ZNF473: variants seen among roughly 807,000 people sequenced by gnomAD.
The protein encoded by ZNF473 is zinc finger protein 473.
Under a neutral mutation model 11.1 loss-of-function variants are expected in ZNF473, and 4 were observed. The observed-to-expected ratio is 0.36, with a 90% CI of 0.18 to 0.82. ZNF473 has a LOEUF of 0.82. Among genes scored for constraint, ZNF473 ranks in the 40% least tolerant of loss-of-function variants. The pLI, the probability that ZNF473 is intolerant of heterozygous loss-of-function variation, is 0.49. For missense variants in ZNF473, 854 were observed against 1,084.0 expected (o/e 0.79, Z 2.98); for synonymous variants, 404 against 390.4 (o/e 1.03, Z -0.41).
intron 2 of ZNF473, 58 bp downstream of exon 2, chr19:50,031,149 T>G: frequency 9.1e-6 from 14 of 1,544,378 alleles, no homozygotes; most frequent in African/African-American, 1.4e-5. Context: ...AAAATTGGCC[T>G]TCCTTTGTGG....
At chr19:50,035,988 G>T (rs930058712) in intron 2 of ZNF473, among the ~76,000 whole-genome samples, 8 of 151,764 alleles carry the variant, frequency 5.3e-5, no homozygotes, top group Non-Finnish European at 1.0e-4. Context: ...TTGAGAGGGA[G>T]ACTCTGTTTT....
rs2077315421 is a variant in ZNF473 at position 50,031,107 on chromosome 19, C to T, written c.9+16C>T. The T allele has an allele frequency of 6.4e-7, 1 of 1,565,068 alleles. No individual in the cohort carries two copies. Among genetic ancestry groups the T allele is most frequent in the Non-Finnish European group, 8.7e-7 (1 of 1,154,112 alleles). On this transcript the variant is annotated intron_variant, in intron 2 of 4. Transcript: ENST00000270617. ...CATGGCTGAGGTGAGTTGAAGGTCGCTCTGTCCTAATCGGTCACACCCAAA... is the reference window on the plus strand; with the variant it reads ...CATGGCTGAGGTGAGTTGAAGGTCGTTCTGTCCTAATCGGTCACACCCAAA...
chr19:50,039,076 T>C lies in ZNF473; in HGVS notation c.10-85T>C, dbSNP rs1978626359. Reference sequence around the variant, plus strand: ...TGGTTTTTGCCAAAGCCCTGGCAGATTGAGGGCTGGGAGTGCCCTGAGTGA... The same window carrying C: ...TGGTTTTTGCCAAAGCCCTGGCAGACTGAGGGCTGGGAGTGCCCTGAGTGA... On this transcript the variant is annotated intron_variant, in intron 2 of 4. Transcript: ENST00000270617. This position sits in a 1 kb window ranked among gnomAD's most constrained non-coding sequence, Gnocchi z 4.8. 6.4e-7 allele frequency: 1 copy of C among 1,556,928 alleles called. No homozygotes were observed.
At position 50,045,513 on chromosome 19, in the gene ZNF473, A is replaced by G; in HGVS notation, c.1070A>G (p.Asn357Ser). ...YECSKCQATFNLRKHLIQHQK... is the reference protein window; with the variant it reads ...YECSKCQATFSLRKHLIQHQK... Reference sequence around the variant, plus strand: ...TGTTCCAAGTGCCAGGCGACCTTCAACTTGAGAAAACACCTCATCCAACAT... The same window carrying G: ...TGTTCCAAGTGCCAGGCGACCTTCAGCTTGAGAAAACACCTCATCCAACAT... Residue 357 changes from asparagine (N) to serine (S), a missense_variant, in exon 5 of 5, where the codon AAC becomes AGC. Asn to Ser is a conservative substitution (Grantham distance 46, BLOSUM62 1). Transcript: ENST00000270617. The G allele has an allele frequency of 6.2e-7, 1 of 1,614,226 alleles. No homozygotes were observed.
At chr19:50,036,480 ATTTTT>A (rs34005330) in intron 2 of ZNF473, among the ~76,000 whole-genome samples, 1 of 131,542 alleles carries the variant, frequency 7.6e-6, no homozygotes, top group Non-Finnish European at 1.6e-5. Context: ...TGCCCAGCTA[ATTTTT>A]TTTTTTTTTT....
In ZNF473 at chr19:50,045,811, C is replaced by T. The variant is rs781508677; in HGVS notation, c.1368C>T (p.Tyr456=). 10 of 1,613,984 alleles carry T rather than the reference C, an allele frequency of 6.2e-6. No individual in the cohort carries two copies. The highest frequency in any genetic ancestry group is 2.7e-5 in the African/African-American group (2 of 74,920). Residue 456 remains tyrosine, a synonymous_variant, in exon 5 of 5, where the codon TAC becomes TAT. Coordinates refer to ENST00000270617, the MANE Select transcript of ZNF473 (RefSeq NM_015428.4). ...LNEHRRIHTG[Y]RPHKCQECVR... ...AACATCGGCGAATTCATACAGGCTACAGACCCCACAAATGTCAGGAATGCG... is the reference window on the plus strand; with the variant it reads ...AACATCGGCGAATTCATACAGGCTATAGACCCCACAAATGTCAGGAATGCG...
At chr19:50,032,691 C>T (rs2077324194) in intron 2 of ZNF473, among the ~76,000 whole-genome samples, 1 of 152,090 alleles carries the variant, frequency 6.6e-6, no homozygotes, top group South Asian at 2.1e-4. Flanking sequence ...CTGAAAACAA[C>T]AGAAATTGGT....
chr19:50,041,987 A>G, intron 4 of ZNF473, 168 bp downstream of exon 4: 1 of 531,014 alleles, frequency 1.9e-6, no homozygotes. Context: ...AGCTGGGGGG[A>G]TCAGGACATT....
intron 4 of ZNF473, among the ~76,000 whole-genome samples, chr19:50,044,269 T>C (rs1978943278): frequency 6.6e-6 from 1 of 152,106 alleles, no homozygotes; most frequent in Non-Finnish European, 1.5e-5. Context: ...ACTCCCAGGA[T>C]TCTAGCATGG....
chr19:50,041,850 C>T (rs1232826281), intron 4 of ZNF473, 31 bp downstream of exon 4: 1 of 1,565,982 alleles, frequency 6.4e-7, no homozygotes, highest in Non-Finnish European at 8.7e-7. Context: ...CCCTTGTGTA[C>T]CTTCTGTCTT....
Position 50,047,102 on chromosome 19 carries a change from C to G in ZNF473, c.*43C>G, listed in dbSNP as rs745526201. ...AGTCCCAGAATATGAGACCGTTACT[C>G]GGATGTTGAAAGTTGGAAACTATCC... On this transcript the variant is annotated 3_prime_UTR_variant, in exon 5 of 5. Coordinates refer to ENST00000270617, the MANE Select transcript of ZNF473 (RefSeq NM_015428.4). 6.6e-7 allele frequency: 1 copy of G among 1,514,160 alleles called. No individual in the cohort carries two copies. Among genetic ancestry groups the G allele is most frequent in the Admixed American group, 1.9e-5 (1 of 52,306 alleles). The allele number at this position is 1,514,160 out of a possible 1,614,324, so 93.8% of individuals were successfully genotyped here. A position where few individuals can be genotyped will look rare whatever the true frequency, so the allele number is the denominator to read the frequency against.
chr19:50,031,289 G>A (rs1200282082), intron 2 of ZNF473, among the ~76,000 whole-genome samples, 198 bp downstream of exon 2: 1 of 152,128 alleles, frequency 6.6e-6, no homozygotes, highest in African/African-American at 2.4e-5. Context: ...AAGCTCGCAT[G>A]CTGTTCTTTC....
chr19:50,032,499 A>T (rs2122807820), intron 2 of ZNF473, among the ~76,000 whole-genome samples: 1 of 152,208 alleles, frequency 6.6e-6, no homozygotes, highest in Admixed American at 6.5e-5. Flanking sequence ...TATCAGGACC[A>T]TGTGCTGCTT....
rs754568465 is a variant in ZNF473, at chr19:50,045,185, C to T, written c.742C>T (p.Arg248Trp). 1.5e-5 allele frequency: 24 copies of T among 1,614,104 alleles called. No homozygotes were observed. Among genetic ancestry groups the T allele is most frequent in the Admixed American group, 3.3e-5 (2 of 60,000 alleles). ...TCAAGAGTGTGAGCAAGGTTTTGAC[C>T]GGAATGCTTCCCTTTCTGTGTATCC... ...VHQECEQGFD[R>W]NASLSVYPKT... Residue 248 changes from arginine (R) to tryptophan (W), a missense_variant, in exon 5 of 5, where the codon CGG becomes TGG. Physicochemically the swap from Arg to Trp is moderately radical, Grantham distance 101. Coordinates refer to ENST00000270617, the MANE Select transcript of ZNF473 (RefSeq NM_015428.4).
intron 3 of ZNF473, among the ~76,000 whole-genome samples, chr19:50,040,849 G>A (rs1181478474): frequency 6.6e-6 from 1 of 152,242 alleles, no homozygotes; most frequent in African/African-American, 2.4e-5. Flanking sequence ...GCCAGTGTGT[G>A]CTAAGAAGCA....
chr19:50,044,116 GAGAC>G (rs778817145), intron 4 of ZNF473, among the ~76,000 whole-genome samples: 5 of 152,126 alleles, frequency 3.3e-5, no homozygotes, highest in African/African-American at 4.8e-5. Context: ...GAGAGAGAGA[GAGAC>G]AGACAAACAG....
At chr19:50,041,594 G>T in intron 3 of ZNF473, 136 bp from the exon 4 acceptor site, 1 of 681,112 alleles carries the variant, frequency 1.5e-6, no homozygotes. Context: ...GTCGCCCAGT[G>T]CAGCACCTCG....
chr19:50,046,027 A>G lies in ZNF473; in HGVS notation c.1584A>G (p.Ser528=). 3 of 1,614,254 alleles carry G rather than the reference A, an allele frequency of 1.9e-6. No homozygotes were observed. The highest frequency in any genetic ancestry group is 1.7e-6 in the Non-Finnish European group (2 of 1,180,040). The change falls in exon 5 of 5, where the codon TCA becomes TCG. Residue 528 remains serine, a synonymous_variant. Coordinates refer to ENST00000270617, the MANE Select transcript of ZNF473 (RefSeq NM_015428.4). This position sits in a 1 kb window ranked among gnomAD's most constrained non-coding sequence, Gnocchi z 5.9. ...QECGERFICG[S]TLKCHESVHA... ...GCGGAGAACGCTTCATTTGCGGCTC[A>G]ACCCTGAAGTGCCACGAGAGTGTTC... is the stretch of plus-strand genomic sequence containing the variant.
intron 2 of ZNF473, among the ~76,000 whole-genome samples, chr19:50,035,584 C>T (rs1279748365): frequency 1.3e-5 from 2 of 151,998 alleles, no homozygotes; most frequent in African/African-American, 4.8e-5. Flanking sequence ...CTGGCTGCCC[C>T]CTTTTTTCCT....
Sources: gnomAD v4.1 joint callset for allele counts (sites outside exome capture counted in the v4.1 genomes callset) on GRCh38, gnomAD v4.1.1 for gene constraint, Gnocchi (gnomAD v3.1) non-coding constraint, MANE v1.5 for transcripts, NCBI Gene and HGNC (gene_info 2026-07-23, HGNC 2026-07-21) for gene names.